The following ITGBL1 variants were observed in gnomAD, a reference collection of about 807,000 sequenced individuals.
ITGBL1 encodes the protein integrin beta-like protein 1.
In ITGBL1, 51 loss-of-function variants were observed where a neutral mutation model predicts 68.5. The observed-to-expected ratio is 0.74, with a 90% CI of 0.59 to 0.94. The LOEUF is 0.94. Among genes scored for constraint, ITGBL1 ranks in the 40% least tolerant of loss-of-function variants. The pLI is 0.00. For missense variants in ITGBL1, 649 were observed against 647.4 expected (o/e 1.00, Z -0.03); for synonymous variants, 209 against 227.3 (o/e 0.92, Z 0.72).
At chr13:101,618,982 G>A (rs1450782833) in intron 7 of ITGBL1, among the ~76,000 whole-genome samples, 1 of 152,016 alleles carries the variant, frequency 6.6e-6, no homozygotes, top group Admixed American at 6.6e-5. Context: ...GGGCAGGTGG[G>A]AATTGGGGCA....
At chr13:101,545,489 C>T (rs919482315) in intron 2 of ITGBL1, among the ~76,000 whole-genome samples, 1 of 151,898 alleles carries the variant, frequency 6.6e-6, no homozygotes, top group Non-Finnish European at 1.5e-5. Flanking sequence ...GAACAGAAAA[C>T]ATAGAATAAT....
At chr13:101,616,603 G>C (rs1243603137) in intron 7 of ITGBL1, among the ~76,000 whole-genome samples, 3 of 152,108 alleles carry the variant, frequency 2.0e-5, no homozygotes, top group Admixed American at 2.0e-4. Context: ...CGATTCTCCT[G>C]CCTCAGTCTC....
At chr13:101,556,850 C>T (rs375944193) in intron 2 of ITGBL1, among the ~76,000 whole-genome samples, 1 of 152,120 alleles carries the variant, frequency 6.6e-6, no homozygotes, top group African/African-American at 2.4e-5. Context: ...TTTTGGACTT[C>T]GAGTCTCCAG....
intron 7 of ITGBL1, among the ~76,000 whole-genome samples, chr13:101,647,039 CT>C (rs1221864320): frequency 2.6e-5 from 4 of 152,018 alleles, no homozygotes; most frequent in African/African-American, 9.7e-5. Context: ...GTTTTCATCT[CT>C]TTTTTTATTT....
In ITGBL1 at chr13:101,520,112, G is replaced by C. The variant is rs1315090365; in HGVS notation, c.317-47587G>C. On this transcript the variant is annotated intron_variant, in intron 2 of 10. Transcript: ENST00000376180. ...AGAGGGATTTGCTGCAGATCACATA[G>C]AATTTGTACTCAAGTTCCTGTCTTC... is the stretch of plus-strand genomic sequence containing the variant. 3.3e-5 allele frequency among the ~76,000 whole-genome samples: 5 copies of C among 152,074 alleles called. No homozygotes were observed. The East Asian group carries it at 7.7e-4, about 23-fold the overall frequency.
chr13:101,500,009 C>T lies in ITGBL1; in HGVS notation c.316+45909C>T, dbSNP rs539078465. On this transcript the variant is annotated intron_variant, in intron 2 of 10. Coordinates refer to ENST00000376180, the MANE Select transcript of ITGBL1 (RefSeq NM_004791.3). ...CACCACTCCTTTCATCTGATGCCTT[C>T]CCCCACTGAAGGCCATAGGTTTATC... 2.6e-5 allele frequency among the ~76,000 whole-genome samples: 4 copies of T among 152,258 alleles called. No homozygotes were observed. The South Asian group carries it at 8.3e-4, about 32-fold the overall frequency.
At chr13:101,620,971 T>C (rs2031556457) in intron 7 of ITGBL1, among the ~76,000 whole-genome samples, 1 of 152,120 alleles carries the variant, frequency 6.6e-6, no homozygotes. Flanking sequence ...GTCATTGACC[T>C]TCCACCTTTC....
intron 7 of ITGBL1, among the ~76,000 whole-genome samples, chr13:101,619,732 A>G (rs929664353): frequency 2.6e-5 from 4 of 152,198 alleles, no homozygotes; most frequent in Admixed American, 2.6e-4. Context: ...CTGTTTCTGA[A>G]TTATGTATTC....
intron 7 of ITGBL1, among the ~76,000 whole-genome samples, chr13:101,675,392 A>T (rs2033478164): frequency 6.6e-6 from 1 of 152,154 alleles, no homozygotes; most frequent in African/African-American, 2.4e-5. Flanking sequence ...GAATGGCTTA[A>T]ACGACAGAAT....
intron 8 of ITGBL1, among the ~76,000 whole-genome samples, chr13:101,694,243 A>G (rs529980690): frequency 4.6e-5 from 7 of 152,248 alleles, no homozygotes; most frequent in Admixed American, 1.3e-4. Context: ...AGAAATACCT[A>G]TGTAGGTTTT....
At chr13:101,683,187 A>G (rs538162658) in intron 7 of ITGBL1, among the ~76,000 whole-genome samples, 125 of 152,186 alleles carry the variant, frequency 8.2e-4, no homozygotes, top group African/African-American at 3.0e-3. Context: ...CTCTGAAATC[A>G]GCATACCCTC....
intron 2 of ITGBL1, among the ~76,000 whole-genome samples, chr13:101,516,955 A>T (rs1460571764): frequency 6.6e-6 from 1 of 152,188 alleles, no homozygotes; most frequent in Non-Finnish European, 1.5e-5. Context: ...TTGGCAGAGA[A>T]TGAACTTTGG....
chr13:101,654,520 G>T (rs1412092557), intron 7 of ITGBL1, among the ~76,000 whole-genome samples: 1 of 152,198 alleles, frequency 6.6e-6, no homozygotes, highest in Non-Finnish European at 1.5e-5. Context: ...GAGTGAAAGG[G>T]AGGAATCAAG....
chr13:101,500,593 G>A (rs1037937316), intron 2 of ITGBL1, among the ~76,000 whole-genome samples: 5 of 152,034 alleles, frequency 3.3e-5, no homozygotes, highest in Non-Finnish European at 7.4e-5. Flanking sequence ...GAAAGAACTC[G>A]AGCAGATTTA....
chr13:101,598,361 C>T (rs548194188), intron 7 of ITGBL1, 62 bp downstream of exon 7: 4 of 1,236,206 alleles, frequency 3.2e-6, no homozygotes, highest in East Asian at 3.0e-5. Context: ...GAATTCAATG[C>T]ACACACATCT....
chr13:101,673,994 G>A (rs574499239), intron 7 of ITGBL1, among the ~76,000 whole-genome samples: 12 of 152,260 alleles, frequency 7.9e-5, no homozygotes, highest in Admixed American at 2.0e-4. Flanking sequence ...TTTTAGAGAC[G>A]TATTTTGATC....
chr13:101,645,360 G>T (rs137916310), intron 7 of ITGBL1, among the ~76,000 whole-genome samples: 3 of 152,132 alleles, frequency 2.0e-5, no homozygotes, highest in African/African-American at 7.2e-5. Flanking sequence ...CTTTTCAGGA[G>T]CCCACTCAGT....
chr13:101,701,213 G>A (rs554737283), intron 8 of ITGBL1, among the ~76,000 whole-genome samples: 13 of 152,204 alleles, frequency 8.5e-5, no homozygotes, highest in Admixed American at 4.6e-4. Flanking sequence ...ACTTAACTTC[G>A]TGGAAGGATA....
intron 2 of ITGBL1, among the ~76,000 whole-genome samples, chr13:101,455,478 C>A (rs1422407243): frequency 6.6e-6 from 1 of 151,742 alleles, no homozygotes; most frequent in Admixed American, 6.6e-5. Context: ...ACCAGCCTCG[C>A]CAACTTGCTG....
Sources: allele counts gnomAD v4.1 joint callset (sites outside exome capture counted in the v4.1 genomes callset), GRCh38; gene constraint gnomAD v4.1.1; transcripts MANE v1.5; gene names NCBI Gene and HGNC (gene_info 2026-07-23, HGNC 2026-07-21).